EBF2: variants seen among roughly 807,000 people sequenced by gnomAD.
EBF2 encodes transcription factor COE2.
Under a neutral mutation model 72.8 loss-of-function variants are expected in EBF2, and 21 were observed. That is an observed-to-expected ratio of 0.29 (90% CI 0.20 to 0.42). The LOEUF (loss-of-function observed/expected upper bound fraction) is 0.42, where lower values mean the gene tolerates loss of function less well. EBF2 is among the 10% of genes least tolerant of loss of function. The pLI is 1.00. For missense variants in EBF2, 637 were observed against 731.2 expected (o/e 0.87, Z 1.49); for synonymous variants, 299 against 274.2 (o/e 1.09, Z -0.89).
chr8:25,917,271 C>A (rs1803234242), intron 6 of EBF2, among the ~76,000 whole-genome samples: 1 of 151,186 alleles, frequency 6.6e-6, no homozygotes, highest in South Asian at 2.1e-4. Flanking sequence ...TCCTCGACAC[C>A]ATGAGGCTCA....
At chr8:25,901,987 C>T (rs1213138071) in intron 7 of EBF2, among the ~76,000 whole-genome samples, 2 of 152,170 alleles carry the variant, frequency 1.3e-5, no homozygotes, top group African/African-American at 4.8e-5. Context: ...TAGGATAGTG[C>T]CTGGCACACA....
intron 6 of EBF2, among the ~76,000 whole-genome samples, chr8:25,979,159 G>T (rs1804317584): frequency 1.3e-5 from 2 of 152,196 alleles, no homozygotes; most frequent in Non-Finnish European, 2.9e-5. Flanking sequence ...ACCATCCCAA[G>T]TTGCTGTGTG....
intron 6 of EBF2, among the ~76,000 whole-genome samples, chr8:25,983,866 C>T (rs540963706): frequency 2.6e-5 from 4 of 152,236 alleles, no homozygotes; most frequent in Admixed American, 6.5e-5. Context: ...CTTTGCTTTG[C>T]GAACTTTATC....
chr8:26,035,143 A>AT (rs11348637), intron 5 of EBF2, among the ~76,000 whole-genome samples: 26 of 144,428 alleles, frequency 1.8e-4, no homozygotes, highest in Non-Finnish European at 2.6e-4. Context: ...CAGTCTTAGA[A>AT]TTTTTTTTTT....
intron 15 of EBF2, among the ~76,000 whole-genome samples, chr8:25,846,002 G>A (rs773774586): frequency 1.3e-5 from 2 of 151,924 alleles, no homozygotes; most frequent in South Asian, 2.1e-4. Flanking sequence ...TAGTCCTCTC[G>A]GGTAAAATTG....
intron 5 of EBF2, among the ~76,000 whole-genome samples, chr8:26,037,414 A>C (rs1363381403): frequency 6.6e-6 from 1 of 152,160 alleles, no homozygotes; most frequent in Non-Finnish European, 1.5e-5. Context: ...CTCTAATTTC[A>C]AACTCAAATA....
intron 6 of EBF2, among the ~76,000 whole-genome samples, chr8:25,941,663 A>T (rs766837919): frequency 6.6e-6 from 1 of 152,120 alleles, no homozygotes; most frequent in Non-Finnish European, 1.5e-5. Context: ...TAAGCTACGG[A>T]GGAGTGTGAA....
At position 25,911,199 on chromosome 8, in the gene EBF2, C is replaced by T. The variant is rs187265651; in HGVS notation, c.552-2644G>A. On this transcript the variant is annotated intron_variant, in intron 6 of 15. Coordinates refer to ENST00000520164, the MANE Select transcript of EBF2 (RefSeq NM_022659.4). ...GAAGCCAGAGCTGCCTGGAAAATGTCGGCACTCTCCACTAAGAAACGGGAA... is the reference window on the plus strand; with the variant it reads ...GAAGCCAGAGCTGCCTGGAAAATGTTGGCACTCTCCACTAAGAAACGGGAA... 5.2e-4 allele frequency among the ~76,000 whole-genome samples: 79 copies of T among 152,198 alleles called. 1 individual carries two copies. Among genetic ancestry groups the T allele is most frequent in the South Asian group, 2.1e-3 (10 of 4,822 alleles).
chr8:26,022,826 CT>C (rs1805225461), intron 6 of EBF2, among the ~76,000 whole-genome samples: 1 of 152,176 alleles, frequency 6.6e-6, no homozygotes, highest in African/African-American at 2.4e-5. Context: ...ATGCTGACTC[CT>C]TATAGGCTTT....
intron 7 of EBF2, among the ~76,000 whole-genome samples, chr8:25,890,471 G>A (rs1585183659): frequency 1.3e-5 from 2 of 152,172 alleles, no homozygotes; most frequent in Non-Finnish European, 2.9e-5. Context: ...GGGAGAGGTG[G>A]TGTGGAACAG....
At chr8:25,967,679 G>A (rs577862842) in intron 6 of EBF2, among the ~76,000 whole-genome samples, 1 of 152,334 alleles carries the variant, frequency 6.6e-6, no homozygotes, top group East Asian at 1.9e-4. Flanking sequence ...GGGGGCAAGG[G>A]TGAGGATGCA....
chr8:25,901,946 A>G (rs981195844), intron 7 of EBF2, among the ~76,000 whole-genome samples: 38 of 152,196 alleles, frequency 2.5e-4, no homozygotes, highest in African/African-American at 8.9e-4. Context: ...CAGGAATTTT[A>G]TGATTTGCTC....
intron 6 of EBF2, among the ~76,000 whole-genome samples, chr8:25,997,896 A>G (rs1010589669): frequency 5.3e-5 from 8 of 152,220 alleles, no homozygotes; most frequent in Non-Finnish European, 1.5e-5. Context: ...AATAATAAAA[A>G]GAGCTAACAT....
rs572974203 is a variant in EBF2, at chr8:25,963,615, A to C, written c.552-55060T>G. 3.5e-4 allele frequency among the ~76,000 whole-genome samples: 53 copies of C among 152,262 alleles called. 2 individuals are homozygous for C. The South Asian group carries it at 0.011, about 31-fold the overall frequency. The stretch of plus-strand genomic sequence containing the variant: ...TGCCATCAAGCCCTTCCAAAAGAAA[A>C]ATTCTCTATTCACTCCCATGTGCGA... On this transcript the variant is annotated intron_variant, in intron 6 of 15. Coordinates refer to ENST00000520164, the MANE Select transcript of EBF2 (RefSeq NM_022659.4).
chr8:25,909,616 T>C (rs1803093397), intron 6 of EBF2, among the ~76,000 whole-genome samples: 1 of 152,212 alleles, frequency 6.6e-6, no homozygotes. Flanking sequence ...TCAACAATGC[T>C]TCCAAAAATT....
At chr8:25,851,034 A>G (rs1386338826) in intron 14 of EBF2, among the ~76,000 whole-genome samples, 1 of 152,114 alleles carries the variant, frequency 6.6e-6, no homozygotes, top group African/African-American at 2.4e-5. Context: ...TGGGAGAGTC[A>G]GGAAGGCAGC....
At chr8:25,856,994 A>ACTAT (rs757266595) in intron 14 of EBF2, among the ~76,000 whole-genome samples, 15 of 152,248 alleles carry the variant, frequency 9.9e-5, no homozygotes, top group Non-Finnish European at 1.8e-4. Context: ...ATATTTTCAT[A>ACTAT]CTATCTATTT....
At chr8:26,032,422 G>A (rs892226225) in intron 6 of EBF2, 1 of 150,180 alleles carries the variant, frequency 6.7e-6, no homozygotes, top group Non-Finnish European at 1.5e-5. Context: ...ATTAGGGATG[G>A]GAATATGGGG....
rs139356797 is a variant in EBF2 at position 25,891,360 on chromosome 8, C to T, written c.634-1491G>A. Among the ~76,000 whole-genome samples the T allele has an allele frequency of 1.8e-3, 277 of 151,970 alleles. 2 individuals are homozygous for T. The highest frequency in any genetic ancestry group is 6.3e-3 in the African/African-American group (259 of 41,440). Reference sequence around the variant, plus strand: ...TCTATTTCTCAGTTCACATCAGTTACGCATGGCCATTATTATTGAGAAAAA... The same window carrying T: ...TCTATTTCTCAGTTCACATCAGTTATGCATGGCCATTATTATTGAGAAAAA... On this transcript the variant is annotated intron_variant, in intron 7 of 15. Transcript: ENST00000520164.
Sources: gnomAD v4.1 joint callset for allele counts (sites outside exome capture counted in the v4.1 genomes callset) on GRCh38, gnomAD v4.1.1 for gene constraint, MANE v1.5 for transcripts, NCBI Gene and HGNC (gene_info 2026-07-23, HGNC 2026-07-21) for gene names.